Variants in CCDC85A observed in about 807,000 individuals in gnomAD.
The protein encoded by CCDC85A is coiled-coil domain-containing protein 85A.
A neutral mutation model predicts 50.2 loss-of-function variants in CCDC85A; 38 were observed. The observed-to-expected ratio is 0.76, with a 90% confidence interval of 0.58 to 0.99. CCDC85A has a LOEUF of 0.99. Among genes scored for constraint, CCDC85A ranks in the 50% least tolerant of loss-of-function variants. The probability of loss-of-function intolerance (pLI) is 0.00; values close to 1 mark genes in which losing one functional copy is unlikely to be tolerated. For missense variants in CCDC85A, 820 were observed against 742.0 expected, an observed-to-expected ratio of 1.11 and a Z score of -1.22; for synonymous variants, 366 against 301.4, an observed-to-expected ratio of 1.21 and a Z score of -2.22.
At chr2:56,246,419 A>G (rs1264546172) in intron 2 of CCDC85A, among the ~76,000 whole-genome samples, 1 of 151,790 alleles carries the variant, frequency 6.6e-6, no homozygotes, top group Non-Finnish European at 1.5e-5. Flanking sequence ...TTTTGGTGTC[A>G]TATCTAAAAA....
At chr2:56,339,387 A>G (rs936760882) in intron 2 of CCDC85A, among the ~76,000 whole-genome samples, 20 of 152,368 alleles carry the variant, frequency 1.3e-4, no homozygotes, top group Admixed American at 1.3e-3. Flanking sequence ...TTCCAAACTC[A>G]GGAATTTACC....
intron 3 of CCDC85A, among the ~76,000 whole-genome samples, chr2:56,361,230 G>T (rs575122540): frequency 1.8e-4 from 27 of 150,886 alleles, no homozygotes; most frequent in African/African-American, 6.6e-4. Context: ...CTCCAGTCTG[G>T]TTGACAGAGC....
At chr2:56,277,630 A>G (rs1434092979) in intron 2 of CCDC85A, among the ~76,000 whole-genome samples, 1 of 152,236 alleles carries the variant, frequency 6.6e-6, no homozygotes, top group Non-Finnish European at 1.5e-5. Context: ...TAGACTTCAT[A>G]TCTTCATTGG....
chr2:56,240,990 T>C (rs1669231933), intron 2 of CCDC85A, among the ~76,000 whole-genome samples: 1 of 152,186 alleles, frequency 6.6e-6, no homozygotes, highest in African/African-American at 2.4e-5. Flanking sequence ...TTCCTACCAA[T>C]AATATATGAG....
At chr2:56,271,719 C>T (rs1248026171) in intron 2 of CCDC85A, among the ~76,000 whole-genome samples, 2 of 152,156 alleles carry the variant, frequency 1.3e-5, no homozygotes, top group Non-Finnish European at 2.9e-5. Context: ...AAGGCACAGA[C>T]AAGGGCAATC....
chr2:56,378,609 G>A (rs1194424371), intron 5 of CCDC85A, among the ~76,000 whole-genome samples: 1 of 152,130 alleles, frequency 6.6e-6, no homozygotes, highest in African/African-American at 2.4e-5. Context: ...CTCAGAAGTG[G>A]CATTTTTATA....
intron 2 of CCDC85A, among the ~76,000 whole-genome samples, chr2:56,278,460 C>A (rs905662097): frequency 1.3e-5 from 2 of 152,152 alleles, no homozygotes; most frequent in African/African-American, 4.8e-5. Context: ...TCTGTCTTTT[C>A]CAGCTGAATA....
At chr2:56,275,379 GAAGTTA>G (rs1334130214) in intron 2 of CCDC85A, among the ~76,000 whole-genome samples, 3 of 152,180 alleles carry the variant, frequency 2.0e-5, no homozygotes, top group African/African-American at 7.2e-5. Context: ...AGTATAGCTA[GAAGTTA>G]AAGTTAGAAT....
chr2:56,382,233 C>A (rs1676619802), intron 5 of CCDC85A, among the ~76,000 whole-genome samples: 1 of 151,946 alleles, frequency 6.6e-6, no homozygotes, highest in Non-Finnish European at 1.5e-5. Context: ...GGCTTGGCTT[C>A]TAGTAGAGAA....
rs574359582 is a variant in CCDC85A at position 56,288,663 on chromosome 2, T to C, written c.1241-54216T>C. On this transcript the variant is annotated intron_variant, in intron 2 of 5. Coordinates refer to ENST00000407595, the MANE Select transcript of CCDC85A (RefSeq NM_001080433.2). The stretch of plus-strand genomic sequence containing the variant: ...CGATAGAGAAATGCATTTCATCTCC[T>C]GGGGCCCTGTTGCTTCTTCCCACCA... 4.6e-5 allele frequency among the ~76,000 whole-genome samples: 7 copies of C among 152,040 alleles called. No individual in the cohort carries two copies. The East Asian group carries it at 1.4e-3, about 29-fold the overall frequency.
At chr2:56,376,907 C>T (rs997854994) in intron 5 of CCDC85A, among the ~76,000 whole-genome samples, 2 of 152,158 alleles carry the variant, frequency 1.3e-5, no homozygotes, top group Non-Finnish European at 2.9e-5. Context: ...TTATCATCAG[C>T]CTGGAGATGC....
intron 3 of CCDC85A, among the ~76,000 whole-genome samples, chr2:56,350,103 A>G (rs566421413): frequency 6.7e-6 from 1 of 150,134 alleles, no homozygotes; most frequent in Non-Finnish European, 1.5e-5. Flanking sequence ...AAAAAAGCCA[A>G]AAACAAGAAG....
intron 2 of CCDC85A, among the ~76,000 whole-genome samples, chr2:56,340,876 C>CAAAAAAAAA (rs61603853): frequency 1.7e-5 from 1 of 58,228 alleles, no homozygotes; most frequent in Non-Finnish European, 3.3e-5. Context: ...AACTCCATCT[C>CAAAAAAAAA]AAAAAAAAAA....
At chr2:56,228,908 T>G (rs543114075) in intron 2 of CCDC85A, among the ~76,000 whole-genome samples, 51 of 152,344 alleles carry the variant, frequency 3.3e-4, no homozygotes, top group African/African-American at 1.2e-3. Flanking sequence ...TTTAACTACC[T>G]TCTAAACTTC....
At chr2:56,327,756 T>G (rs765845281) in intron 2 of CCDC85A, among the ~76,000 whole-genome samples, 1 of 150,410 alleles carries the variant, frequency 6.6e-6, no homozygotes, top group African/African-American at 2.5e-5. Context: ...TTGTCTCTCC[T>G]TGATATAAAT....
intron 2 of CCDC85A, among the ~76,000 whole-genome samples, chr2:56,337,783 T>C (rs1213672590): frequency 6.6e-6 from 1 of 150,950 alleles, no homozygotes; most frequent in Non-Finnish European, 1.5e-5. Flanking sequence ...ATAGGCTCCT[T>C]TTTTTTTTCT....
chr2:56,300,042 G>T (rs1672130123), intron 2 of CCDC85A, among the ~76,000 whole-genome samples: 1 of 152,174 alleles, frequency 6.6e-6, no homozygotes, highest in Non-Finnish European at 1.5e-5. Context: ...TATGCTAGCA[G>T]TGGCCTGAGA....
chr2:56,272,779 C>T (rs554659042), intron 2 of CCDC85A, among the ~76,000 whole-genome samples: 1 of 152,184 alleles, frequency 6.6e-6, no homozygotes, highest in South Asian at 2.1e-4. Flanking sequence ...TTCTGACTGA[C>T]TGCTTTTCAG....
intron 3 of CCDC85A, among the ~76,000 whole-genome samples, chr2:56,346,231 C>T (rs1674624521): frequency 6.6e-6 from 1 of 152,148 alleles, no homozygotes; most frequent in South Asian, 2.1e-4. Context: ...AAAATAAACA[C>T]AATGAATATA....
Sources: allele counts gnomAD v4.1 joint callset (sites outside exome capture counted in the v4.1 genomes callset), GRCh38; gene constraint gnomAD v4.1.1; transcripts MANE v1.5; gene names NCBI Gene and HGNC (gene_info 2026-07-23, HGNC 2026-07-21).